Variants in PLD5 observed in about 807,000 individuals in gnomAD.
PLD5 encodes phospholipase D family member 5.
Under a neutral mutation model 61.1 loss-of-function variants are expected in PLD5, and 36 were observed. The observed-to-expected ratio is 0.59, with a 90% CI of 0.45 to 0.78. The LOEUF is 0.78. PLD5 is among the 30% of genes least tolerant of loss of function. The pLI, the probability that PLD5 is intolerant of heterozygous loss-of-function variation, is 0.00. For missense variants in PLD5, 515 were observed against 644.4 expected, an observed-to-expected ratio of 0.80 and a Z score of 2.17; for synonymous variants, 243 against 242.8, an observed-to-expected ratio of 1.00 and a Z score of -0.01.
chr1:242,448,244 C>T (rs1666629003), intron 1 of PLD5, among the ~76,000 whole-genome samples: 1 of 152,122 alleles, frequency 6.6e-6, no homozygotes, highest in African/African-American at 2.4e-5. Flanking sequence ...TGCATGAAGG[C>T]AGGGAATGAG....
intron 3 of PLD5, among the ~76,000 whole-genome samples, chr1:242,269,830 C>T (rs2841931): frequency 1.6e-4 from 24 of 151,910 alleles, no homozygotes; most frequent in East Asian, 3.9e-4. Context: ...ATCATTTTTA[C>T]GCAATTAGAG....
Position 242,113,968 on chromosome 1 carries a change from C to T in PLD5, c.992G>A (p.Ser331Asn). Residue 331 changes from serine to asparagine, a missense_variant, in exon 7 of 10, where the codon AGT becomes AAT. By Grantham distance (46) the Ser-to-Asn change is conservative. Around this residue, in one of 2 missense-constraint regions of PLD5, gnomAD observed 450 missense variants for 598.1 expected, o/e 0.75. Coordinates refer to ENST00000536534, the MANE Select transcript of PLD5 (RefSeq NM_001372062.1). ...NRSFDIDAIY[S>N]VIDDAKQYVY... ...ATACTGCTTGGCATCATCTATCACA[C>T]TGTAGATGGCATCTATGTCAAAACT... 1 of 1,613,946 alleles carries T rather than the reference C, an allele frequency of 6.2e-7. No individual in the cohort carries two copies. The highest frequency in any genetic ancestry group is 1.3e-5 in the African/African-American group (1 of 75,040).
At chr1:242,361,968 C>CTTT (rs1349926208) in intron 1 of PLD5, among the ~76,000 whole-genome samples, 1 of 143,044 alleles carries the variant, frequency 7.0e-6, no homozygotes, top group South Asian at 2.2e-4. Flanking sequence ...GACCTCATCT[C>CTTT]ATTTTTTTTT....
At position 242,524,623 on chromosome 1, in the gene PLD5, G is replaced by A. The variant is rs1431537232; in HGVS notation, c.-347C>T. On this transcript the variant is annotated 5_prime_UTR_variant, in exon 1 of 10. Transcript: ENST00000536534. ...TGCTCCGGGGAGACAGAAGTGCCCG[G>A]TGCGGCGGCGACGTCGCCCGGCGGC... The A allele has an allele frequency of 5.1e-6, 1 of 196,108 alleles. No homozygotes were observed. Among genetic ancestry groups the A allele is most frequent in the South Asian group, 1.8e-4 (1 of 5,494 alleles). The allele number at this position is 196,108 out of a possible 1,614,324, so 12.1% of individuals were successfully genotyped here.
At chr1:242,177,389 G>A (rs1667226320) in intron 5 of PLD5, among the ~76,000 whole-genome samples, 1 of 152,044 alleles carries the variant, frequency 6.6e-6, no homozygotes. Context: ...CACAGGGAGG[G>A]GAACAACACA....
intron 1 of PLD5, among the ~76,000 whole-genome samples, chr1:242,512,238 C>T (rs533762382): frequency 1.6e-4 from 23 of 148,178 alleles, no homozygotes; most frequent in South Asian, 1.1e-3. Context: ...GGTGAAACCT[C>T]GTCTCTACTA....
Position 242,345,227 on chromosome 1 carries a change from G to T in PLD5, c.326+2879C>A, listed in dbSNP as rs1574769684. Among the ~76,000 whole-genome samples, 7 of 152,062 alleles carry T rather than the reference G, an allele frequency of 4.6e-5. No individual in the cohort carries two copies. In the South Asian group the frequency reaches 1.5e-3, roughly 32 times the overall value. On this transcript the variant is annotated intron_variant, in intron 2 of 9. Coordinates refer to ENST00000536534, the MANE Select transcript of PLD5 (RefSeq NM_001372062.1). ...ACTGTAACTCCTTGTGCAGTCTCTT[G>T]GTGCTCTGCCGATAGGGGATGAATG...
intron 1 of PLD5, among the ~76,000 whole-genome samples, chr1:242,394,757 TG>T (rs1410784279): frequency 6.7e-5 from 3 of 44,662 alleles, no homozygotes; most frequent in Non-Finnish European, 5.6e-5. Context: ...AACATATATG[TG>T]TATATATGTG....
rs556240368 is a variant in PLD5, at chr1:242,158,685, C to T, written c.736-34020G>A. 1.4e-4 allele frequency among the ~76,000 whole-genome samples: 21 copies of T among 152,232 alleles called. 1 individual carries two copies. In the South Asian group the frequency reaches 3.7e-3, roughly 27 times the overall value. On this transcript the variant is annotated intron_variant, in intron 5 of 9. Coordinates refer to ENST00000536534, the MANE Select transcript of PLD5 (RefSeq NM_001372062.1). Reference sequence around the variant, plus strand: ...TCCCAGTGAGATGAAACAGGTAACTCAGTTGGAAATGCAGAAATCACCCGC... The same window carrying T: ...TCCCAGTGAGATGAAACAGGTAACTTAGTTGGAAATGCAGAAATCACCCGC...
intron 2 of PLD5, among the ~76,000 whole-genome samples, chr1:242,310,057 TTC>T (rs1491163687): frequency 3.1e-4 from 25 of 80,544 alleles, no homozygotes; most frequent in South Asian, 1.2e-3. Flanking sequence ...GGACCAATTT[TTC>T]TTTTTTCCAG....
chr1:242,265,981 T>C lies in PLD5; in HGVS notation c.496-533A>G, dbSNP rs1673646489. ...CTGTTAAGAGGGAAATTATGGTTACTAATCAGTGATTTACCTGAATTCATG... is the reference window on the plus strand; with the variant it reads ...CTGTTAAGAGGGAAATTATGGTTACCAATCAGTGATTTACCTGAATTCATG... On this transcript the variant is annotated intron_variant, in intron 3 of 9. Coordinates refer to ENST00000536534, the MANE Select transcript of PLD5 (RefSeq NM_001372062.1). Among the ~76,000 whole-genome samples, 2 of 152,280 alleles carry C rather than the reference T, an allele frequency of 1.3e-5. 1 individual carries two copies. The highest frequency in any genetic ancestry group is 4.1e-4 in the South Asian group (2 of 4,836).
At chr1:242,433,706 A>C (rs1412278116) in intron 1 of PLD5, among the ~76,000 whole-genome samples, 1 of 152,164 alleles carries the variant, frequency 6.6e-6, no homozygotes, top group African/African-American at 2.4e-5. Flanking sequence ...GTCCGATGGT[A>C]ATATGTATTA....
chr1:242,366,780 T>C (rs1237017423), intron 1 of PLD5, among the ~76,000 whole-genome samples: 1 of 152,198 alleles, frequency 6.6e-6, no homozygotes, highest in Non-Finnish European at 1.5e-5. Flanking sequence ...AGATCCATAA[T>C]GCCTGGCAGA....
In PLD5 at chr1:242,512,222, T is replaced by A. The variant is rs138948726; in HGVS notation, c.189+11866A>T. On this transcript the variant is annotated intron_variant, in intron 1 of 9. Transcript: ENST00000536534. ...GTCAGGAGATCGAGACCATCCTGGC[T>A]AACACGGTGAAACCTCGTCTCTACT... is the stretch of plus-strand genomic sequence containing the variant. Among the ~76,000 whole-genome samples the A allele has an allele frequency of 2.0e-5, 3 of 148,774 alleles. No homozygotes were observed. In the Middle Eastern group the frequency reaches 0.011, roughly 524 times the overall value.
At chr1:242,336,248 T>C in intron 2 of PLD5, among the ~76,000 whole-genome samples, 1 of 152,198 alleles carries the variant, frequency 6.6e-6, no homozygotes, top group Non-Finnish European at 1.5e-5. Context: ...GTACTATCTG[T>C]CTATCCACAA....
intron 4 of PLD5, among the ~76,000 whole-genome samples, chr1:242,227,304 C>A (rs1466345937): frequency 6.6e-6 from 1 of 152,036 alleles, no homozygotes; most frequent in African/African-American, 2.4e-5. Context: ...CCAGCCATAG[C>A]CTCATAAGTA....
At chr1:242,117,259 A>C (rs890136529) in intron 6 of PLD5, among the ~76,000 whole-genome samples, 1 of 152,044 alleles carries the variant, frequency 6.6e-6, no homozygotes, top group Non-Finnish European at 1.5e-5. Context: ...CTGTGCCCTC[A>C]TCATGTCTGA....
chr1:242,319,606 G>A (rs1189891284), intron 2 of PLD5, among the ~76,000 whole-genome samples: 1 of 152,102 alleles, frequency 6.6e-6, no homozygotes, highest in South Asian at 2.1e-4. Context: ...GGGAATTCCT[G>A]GTTGGCCCCA....
chr1:242,353,758 G>C (rs1387269277), intron 1 of PLD5, among the ~76,000 whole-genome samples: 2 of 151,914 alleles, frequency 1.3e-5, no homozygotes, highest in South Asian at 2.1e-4. Flanking sequence ...ATTCCAGCCA[G>C]AATTATTTCC....
Sources: allele counts gnomAD v4.1 joint callset (sites outside exome capture counted in the v4.1 genomes callset), GRCh38; gene constraint gnomAD v4.1.1; regional missense constraint gnomAD v4.1.1; transcripts MANE v1.5; gene names NCBI Gene and HGNC (gene_info 2026-07-23, HGNC 2026-07-21).